Variants in NAA11 observed in about 807,000 individuals in gnomAD.
The protein encoded by NAA11 is N-alpha-acetyltransferase 11.
A neutral mutation model predicts 16.1 loss-of-function variants in NAA11; 15 were observed. The ratio of observed to expected loss-of-function variants is 0.93; its 90% CI spans 0.62 to 1.44. The LOEUF (loss-of-function observed/expected upper bound fraction) is 1.44. Among genes scored for constraint, NAA11 ranks in the 40% most tolerant of loss-of-function variants. The probability of loss-of-function intolerance (pLI) is 0.00; values close to 1 mark genes in which losing one functional copy is unlikely to be tolerated. For synonymous variants in NAA11, 122 were observed against 112.4 expected, an observed-to-expected ratio of 1.09 and a Z score of -0.54; for missense variants, 298 against 291.3, an observed-to-expected ratio of 1.02 and a Z score of -0.17.
At chr4:79,271,371 A>T (rs1406811596) in intron 2 of NAA11, among the ~76,000 whole-genome samples, 2 of 150,658 alleles carry the variant, frequency 1.3e-5, no homozygotes, top group Non-Finnish European at 3.0e-5. Flanking sequence ...TGCTCAAGGA[A>T]ATAAAAGAGG....
chr4:79,236,463 G>A (rs1227828496), intron 2 of NAA11, among the ~76,000 whole-genome samples: 1 of 148,780 alleles, frequency 6.7e-6, no homozygotes, highest in Non-Finnish European at 1.5e-5. Context: ...GTATTTTATG[G>A]AAAAAAAAAG....
chr4:79,260,114 T>A (rs1722215636), intron 2 of NAA11, among the ~76,000 whole-genome samples: 1 of 152,206 alleles, frequency 6.6e-6, no homozygotes, highest in Non-Finnish European at 1.5e-5. Flanking sequence ...TTCCAGTGAA[T>A]CTTTGTTTGG....
At chr4:79,313,359 C>T (rs147918467), downstream of NAA11, among the ~76,000 whole-genome samples, 50 of 152,252 alleles carry the variant, frequency 3.3e-4, no homozygotes, top group Middle Eastern at 3.4e-3. Flanking sequence ...AGGATATCCA[C>T]GTGGTCATAA....
At chr4:79,323,055 A>G (rs1724146184) in intron 1 of NAA11, among the ~76,000 whole-genome samples, 1 of 152,232 alleles carries the variant, frequency 6.6e-6, no homozygotes, top group South Asian at 2.1e-4. Context: ...ACTGCTGTAT[A>G]CTCAGCTCCA....
chr4:79,279,042 C>T (rs1407759014), intron 2 of NAA11, among the ~76,000 whole-genome samples: 1 of 152,014 alleles, frequency 6.6e-6, no homozygotes, highest in Non-Finnish European at 1.5e-5. Flanking sequence ...GTAGGGCCCT[C>T]ATGACCTAAA....
the NAA11 span, among the ~76,000 whole-genome samples, chr4:79,199,498 A>G: frequency 6.6e-6 from 1 of 151,908 alleles, no homozygotes; most frequent in Non-Finnish European, 1.5e-5. Context: ...CAAAATGCAA[A>G]TAAGTACCAA....
At chr4:79,182,713 A>T in the NAA11 span, among the ~76,000 whole-genome samples, 1 of 152,172 alleles carries the variant, frequency 6.6e-6, no homozygotes, top group Non-Finnish European at 1.5e-5. Context: ...AGGAAAGAAT[A>T]ATAAAATGCT....
At chr4:79,187,145 A>G in the NAA11 span, among the ~76,000 whole-genome samples, 1 of 152,308 alleles carries the variant, frequency 6.6e-6, no homozygotes, top group East Asian at 1.9e-4. Flanking sequence ...CATTTTCTCA[A>G]ATAATTTCCC....
chr4:79,163,972 A>G, the NAA11 span, among the ~76,000 whole-genome samples: 1 of 152,144 alleles, frequency 6.6e-6, no homozygotes, highest in Non-Finnish European at 1.5e-5. Context: ...CCTGAACACC[A>G]GTAATAAGGT....
At chr4:79,188,157 A>G in the NAA11 span, among the ~76,000 whole-genome samples, 2 of 152,176 alleles carry the variant, frequency 1.3e-5, no homozygotes, top group Non-Finnish European at 2.9e-5. Context: ...TTTATCTAAA[A>G]TTAGACTAGG....
chr4:79,158,991 A>C, the NAA11 span, among the ~76,000 whole-genome samples: 2 of 152,152 alleles, frequency 1.3e-5, no homozygotes, highest in African/African-American at 4.8e-5. Context: ...ATTCTAGAAG[A>C]CCACATTGGA....
chr4:79,312,559 G>A (rs1377031884), downstream of NAA11, among the ~76,000 whole-genome samples: 1 of 148,158 alleles, frequency 6.7e-6, no homozygotes, highest in Non-Finnish European at 1.5e-5. Flanking sequence ...GCTGAGGCAG[G>A]AGAATTACCT....
chr4:79,177,196 A>AG, the NAA11 span, among the ~76,000 whole-genome samples: 2 of 152,050 alleles, frequency 1.3e-5, no homozygotes, highest in Non-Finnish European at 2.9e-5. Flanking sequence ...ATCTATAAAT[A>AG]GAAAAAAAAT....
intron 2 of NAA11, among the ~76,000 whole-genome samples, chr4:79,233,187 T>C (rs1025414678): frequency 6.6e-6 from 1 of 152,100 alleles, no homozygotes; most frequent in South Asian, 2.1e-4. Context: ...TCATTATCTC[T>C]GCCCCTTCTC....
the NAA11 span, among the ~76,000 whole-genome samples, chr4:79,173,688 G>A: frequency 1.2e-4 from 18 of 152,036 alleles, no homozygotes; most frequent in Non-Finnish European, 7.4e-5. Context: ...ATTCTCGTGG[G>A]GGAGAACAAC....
chr4:79,321,377 T>C (rs1191005595), intron 1 of NAA11, among the ~76,000 whole-genome samples: 2 of 152,210 alleles, frequency 1.3e-5, no homozygotes, highest in Non-Finnish European at 1.5e-5. Flanking sequence ...GTTAGTTGGG[T>C]AAGACTTGAC....
the NAA11 span, among the ~76,000 whole-genome samples, chr4:79,194,722 G>A: frequency 3.3e-5 from 5 of 152,018 alleles, no homozygotes; most frequent in African/African-American, 9.7e-5. Context: ...TCAATCCAGG[G>A]GGTTTTATTT....
intron 2 of NAA11, chr4:79,244,638 C>CCCCCCCCCCATCTCCCCTCT (rs60096999): frequency 2.3e-5 from 1 of 44,336 alleles, no homozygotes; most frequent in Non-Finnish European, 5.2e-5. Context: ...CCCTCCCCCT[C>CCCCCCCCCCATCTCCCCTCT]CCCGTCTCCG....
intron 2 of NAA11, among the ~76,000 whole-genome samples, chr4:79,252,542 AAAAC>A (rs1288901315): frequency 6.6e-6 from 1 of 152,370 alleles, no homozygotes; most frequent in African/African-American, 2.4e-5. Context: ...TCAAGAAAAA[AAAAC>A]ATGGTAATGG....
Sources: gnomAD v4.1 joint callset for allele counts (sites outside exome capture counted in the v4.1 genomes callset) on GRCh38, gnomAD v4.1.1 for gene constraint, MANE v1.5 for transcripts, NCBI Gene and HGNC (gene_info 2026-07-23, HGNC 2026-07-21) for gene names.